The following SFSWAP variants were observed in gnomAD, a reference collection of about 807,000 sequenced individuals.
SFSWAP encodes the protein splicing factor, suppressor of white-apricot homolog.
Under a neutral mutation model 100.7 loss-of-function variants are expected in SFSWAP, and 17 were observed. That is an observed-to-expected ratio of 0.17 (90% CI 0.12 to 0.25). The LOEUF (loss-of-function observed/expected upper bound fraction) is 0.25, where lower values mean the gene tolerates loss of function less well. Among genes scored for constraint, SFSWAP ranks in the 10% least tolerant of loss-of-function variants. SFSWAP has a pLI of 1.00. For missense variants in SFSWAP, 1,005 were observed against 1,262.6 expected (o/e 0.80, Z 3.09); for synonymous variants, 504 against 510.1 (o/e 0.99, Z 0.16).
chr12:131,728,178 T>G, intron 6 of SFSWAP, 115 bp from the exon 7 acceptor site: 2 of 1,167,776 alleles, frequency 1.7e-6, no homozygotes, highest in Non-Finnish European at 2.5e-6. Flanking sequence ...TGCGTGCATG[T>G]GTGTGTTTTT....
intron 11 of SFSWAP, among the ~76,000 whole-genome samples, chr12:131,762,941 CAG>C (rs988517044): frequency 1.3e-5 from 2 of 151,982 alleles, no homozygotes; most frequent in Admixed American, 6.6e-5. Flanking sequence ...TGTACGAAAA[CAG>C]AATATCACAT....
chr12:131,745,871 G>A (rs1361908654), intron 7 of SFSWAP, among the ~76,000 whole-genome samples: 2 of 152,090 alleles, frequency 1.3e-5, no homozygotes, highest in African/African-American at 4.8e-5. Flanking sequence ...TAAGCCTGCA[G>A]GGAATGGCGA....
chr12:131,715,187 G>A (rs1260032453), intron 3 of SFSWAP, among the ~76,000 whole-genome samples: 1 of 152,182 alleles, frequency 6.6e-6, no homozygotes, highest in Non-Finnish European at 1.5e-5. Flanking sequence ...ATTGATTCGG[G>A]TAACAGAATT....
chr12:131,736,192 A>G (rs1218118245), intron 7 of SFSWAP, among the ~76,000 whole-genome samples: 1 of 152,196 alleles, frequency 6.6e-6, no homozygotes, highest in Admixed American at 6.5e-5. Flanking sequence ...AAGGACGGAG[A>G]AAAGGAAACA....
rs1431698992 is a variant in SFSWAP at position 131,733,120 on chromosome 12, A to G, written c.1081+4692A>G. Among the ~76,000 whole-genome samples the G allele has an allele frequency of 6.6e-6, 1 of 152,186 alleles. No individual in the cohort carries two copies. Among genetic ancestry groups the G allele is most frequent in the Admixed American group, 6.5e-5 (1 of 15,272 alleles). Reference sequence around the variant, plus strand: ...CGTTTCAGACCACTGCCAACCATGGACACCAGAGACAAGACAAAGGACATT... The same window carrying G: ...CGTTTCAGACCACTGCCAACCATGGGCACCAGAGACAAGACAAAGGACATT... On this transcript the variant is annotated intron_variant, in intron 7 of 17. Coordinates refer to ENST00000261674, the MANE Select transcript of SFSWAP (RefSeq NM_004592.4). This position sits in a 1 kb window ranked among gnomAD's most constrained non-coding sequence, Gnocchi z 5.1.
rs979493760 is a variant in SFSWAP at position 131,714,711 on chromosome 12, G to A, written c.389-111G>A. 9 of 950,408 alleles carry A rather than the reference G, an allele frequency of 9.5e-6. No individual in the cohort carries two copies. The highest frequency in any genetic ancestry group is 1.4e-5 in the Non-Finnish European group (9 of 635,036). 58.9% of individuals were successfully genotyped at this position (950,408 alleles called of 1,614,324 possible). ...TAAAACTATTTTACCTCAAAAGTAG[G>A]TTGAAAAAAGTATGTTGTATGCTTT... On this transcript the variant is annotated intron_variant, in intron 2 of 17. Coordinates refer to ENST00000261674, the MANE Select transcript of SFSWAP (RefSeq NM_004592.4). The surrounding 1 kb of genome is among the most constrained non-coding windows in gnomAD (Gnocchi z 6.0).
rs1879360302 is a variant in SFSWAP, at chr12:131,730,124, G to A, written c.1081+1696G>A. Reference sequence around the variant, plus strand: ...GGCAGCCAGCTGTCTGAGGTGCTCTGTAGATCACTCCTAACGCCCAGTCCT... The same window carrying A: ...GGCAGCCAGCTGTCTGAGGTGCTCTATAGATCACTCCTAACGCCCAGTCCT... On this transcript the variant is annotated intron_variant, in intron 7 of 17. Transcript: ENST00000261674. This position sits in a 1 kb window ranked among gnomAD's most constrained non-coding sequence, Gnocchi z 4.0. Among the ~76,000 whole-genome samples the A allele has an allele frequency of 6.6e-6, 1 of 152,230 alleles. No homozygotes were observed. Among genetic ancestry groups the A allele is most frequent in the African/African-American group, 2.4e-5 (1 of 41,452 alleles).
chr12:131,763,759 A>T (rs1882866510), intron 11 of SFSWAP, among the ~76,000 whole-genome samples: 1 of 151,982 alleles, frequency 6.6e-6, no homozygotes, highest in Non-Finnish European at 1.5e-5. Flanking sequence ...ACCTGTTTAT[A>T]GTGGAGTCAC....
chr12:131,737,239 G>A (rs894635882), intron 7 of SFSWAP, among the ~76,000 whole-genome samples: 1 of 152,168 alleles, frequency 6.6e-6, no homozygotes, highest in Non-Finnish European at 1.5e-5. Flanking sequence ...GCAGCACGAG[G>A]CAGTCTGTTC....
chr12:131,719,589 T>C, intron 4 of SFSWAP, 50 bp downstream of exon 4: 1 of 1,378,060 alleles, frequency 7.3e-7, no homozygotes, highest in Non-Finnish European at 1.0e-6. Context: ...TTTATCATAA[T>C]TCACTCCTGC....
intron 15 of SFSWAP, chr12:131,796,970 C>A: frequency 2.0e-6 from 1 of 501,760 alleles, no homozygotes; most frequent in Non-Finnish European, 3.5e-6. Flanking sequence ...AAATATTTTA[C>A]TTGAGGTCCT....
chr12:131,719,557 G>C lies in SFSWAP; in HGVS notation c.606+18G>C, dbSNP rs1425559784. 1 of 1,570,246 alleles carries C rather than the reference G, an allele frequency of 6.4e-7. No individual in the cohort carries two copies. The highest frequency in any genetic ancestry group is 8.8e-7 in the Non-Finnish European group (1 of 1,140,196). On this transcript the variant is annotated intron_variant, in intron 4 of 17. Transcript: ENST00000261674. Reference sequence around the variant, plus strand: ...TGGAGTTGGTATGTGTCCTGCATGAGCACTAGTTGTCGTCATTATTATTTA... The same window carrying C: ...TGGAGTTGGTATGTGTCCTGCATGACCACTAGTTGTCGTCATTATTATTTA...
At position 131,725,556 on chromosome 12, in the gene SFSWAP, A is replaced by G. The variant is rs778945735; in HGVS notation, c.758A>G (p.Tyr253Cys). The G allele has an allele frequency of 6.2e-7, 1 of 1,614,110 alleles. No homozygotes were observed. The highest frequency in any genetic ancestry group is 8.5e-7 in the Non-Finnish European group (1 of 1,180,024). Residue 253 changes from tyrosine (Y) to cysteine (C), a missense_variant, in exon 5 of 18, where the codon TAT becomes TGT. By Grantham distance (194) the Tyr-to-Cys change is radical (BLOSUM62 -2). Coordinates refer to ENST00000261674, the MANE Select transcript of SFSWAP (RefSeq NM_004592.4). The surrounding 1 kb of genome is among the most constrained non-coding windows in gnomAD (Gnocchi z 4.3). ...LRFDHYLNPY[Y>C]KFIQKAMKEG... ...TTCGACCACTACCTCAACCCCTACT[A>G]TAAGTTCATCCAGAAAGCCATGAAA...
chr12:131,736,476 T>C (rs758424923), intron 7 of SFSWAP, among the ~76,000 whole-genome samples: 1 of 152,192 alleles, frequency 6.6e-6, no homozygotes, highest in Admixed American at 6.5e-5. Flanking sequence ...TCTGATAGTC[T>C]AGTAGAAAAA....
Position 131,726,990 on chromosome 12 carries a change from A to G in SFSWAP, c.883A>G (p.Asn295Asp). ...AGATGATGATGATGAAGAAGATGGG[A>G]ATTACCTTCATCCCTCTCTCTTTGC... ...NEDDDDEEDG[N>D]YLHPSLFASK... Residue 295 changes from asparagine to aspartate, a missense_variant, in exon 6 of 18, where the codon AAT becomes GAT. Asn to Asp is a conservative substitution (Grantham distance 23, BLOSUM62 1). Around this residue, in one of 7 missense-constraint regions of SFSWAP, gnomAD observed 54 missense variants for 51.9 expected, o/e 1.04. Transcript: ENST00000261674. 1 of 1,608,412 alleles carries G rather than the reference A, an allele frequency of 6.2e-7. No homozygotes were observed. Among genetic ancestry groups the G allele is most frequent in the Non-Finnish European group, 8.5e-7 (1 of 1,177,386 alleles).
intron 9 of SFSWAP, among the ~76,000 whole-genome samples, chr12:131,755,014 T>C (rs989829138): frequency 6.6e-6 from 1 of 152,184 alleles, no homozygotes; most frequent in Non-Finnish European, 1.5e-5. Flanking sequence ...ATGTTACCTG[T>C]TTTTTGTTTC....
chr12:131,742,486 C>A (rs1278372083), intron 7 of SFSWAP, among the ~76,000 whole-genome samples: 3 of 151,766 alleles, frequency 2.0e-5, no homozygotes, highest in Non-Finnish European at 4.4e-5. Flanking sequence ...GGCTAAAATT[C>A]CAAATAGCTG....
At chr12:131,772,561 G>A (rs536994793) in intron 13 of SFSWAP, among the ~76,000 whole-genome samples, 14 of 152,326 alleles carry the variant, frequency 9.2e-5, no homozygotes, top group Admixed American at 7.8e-4. Flanking sequence ...CCACACGAAC[G>A]GACAGGTGCG....
chr12:131,718,035 G>A (rs1310473208), intron 3 of SFSWAP, among the ~76,000 whole-genome samples: 1 of 152,198 alleles, frequency 6.6e-6, no homozygotes, highest in Non-Finnish European at 1.5e-5. Context: ...CCGGTTACAG[G>A]TGTGAGCCAC....
Sources: allele counts gnomAD v4.1 joint callset (sites outside exome capture counted in the v4.1 genomes callset), GRCh38; gene constraint gnomAD v4.1.1; regional missense constraint gnomAD v4.1.1; non-coding constraint Gnocchi (gnomAD v3.1); transcripts MANE v1.5; gene names NCBI Gene and HGNC (gene_info 2026-07-23, HGNC 2026-07-21).